Variants in MYO16 observed in about 807,000 individuals in gnomAD.
MYO16 encodes the protein myosin XVI, also known as unconventional myosin-XVI.
In MYO16, 94 loss-of-function variants were observed where a neutral mutation model predicts 205.3. The observed-to-expected ratio is 0.46, with a 90% CI of 0.39 to 0.54. MYO16 has a LOEUF of 0.54. Among genes scored for constraint, MYO16 ranks in the 20% least tolerant of loss-of-function variants. The pLI is 0.00. For synonymous variants in MYO16, 988 were observed against 954.0 expected, an observed-to-expected ratio of 1.04 and a Z score of -0.66; for missense variants, 2,315 against 2,387.5, an observed-to-expected ratio of 0.97 and a Z score of 0.63.
chr13:109,042,838 A>G (rs1886923997), intron 23 of MYO16, among the ~76,000 whole-genome samples: 1 of 152,252 alleles, frequency 6.6e-6, no homozygotes, highest in East Asian at 1.9e-4. Flanking sequence ...TTAACTTCAT[A>G]CAAATGTCCT....
chr13:108,683,675 G>T (rs997230477), intron 2 of MYO16, among the ~76,000 whole-genome samples: 1 of 152,142 alleles, frequency 6.6e-6, no homozygotes, highest in African/African-American at 2.4e-5. Flanking sequence ...TAAAGAAAAA[G>T]AATTACCTTC....
At chr13:109,014,163 C>T (rs1197235076) in intron 22 of MYO16, among the ~76,000 whole-genome samples, 2 of 152,296 alleles carry the variant, frequency 1.3e-5, no homozygotes, top group African/African-American at 4.8e-5. Context: ...AGGAAGGGAT[C>T]CAGTTTCAGC....
chr13:108,883,548 T>C (rs1036183913), intron 13 of MYO16, among the ~76,000 whole-genome samples: 2 of 152,122 alleles, frequency 1.3e-5, no homozygotes, highest in Non-Finnish European at 2.9e-5. Flanking sequence ...GCCCCAAATA[T>C]CATTTTATTT....
intron 27 of MYO16, among the ~76,000 whole-genome samples, chr13:109,071,927 T>A (rs988279105): frequency 6.6e-6 from 1 of 152,220 alleles, no homozygotes; most frequent in East Asian, 1.9e-4. Flanking sequence ...AATGCCATAA[T>A]CACCTTCCCA....
chr13:108,930,473 A>T (rs1290285082), intron 16 of MYO16, among the ~76,000 whole-genome samples: 4 of 152,238 alleles, frequency 2.6e-5, no homozygotes, highest in Non-Finnish European at 4.4e-5. Context: ...GATCAATCAT[A>T]GGAAATTTAA....
At chr13:108,955,190 A>C (rs1028377167) in intron 16 of MYO16, among the ~76,000 whole-genome samples, 1 of 152,078 alleles carries the variant, frequency 6.6e-6, no homozygotes, top group Non-Finnish European at 1.5e-5. Context: ...TCGTCCTAGA[A>C]AGTCAGGTCA....
intron 4 of MYO16, among the ~76,000 whole-genome samples, chr13:108,753,919 A>G (rs1051804628): frequency 6.6e-6 from 1 of 152,236 alleles, no homozygotes; most frequent in Non-Finnish European, 1.5e-5. Context: ...ACAGTTGACA[A>G]TGTGTGTGTG....
chr13:108,606,793 C>T (rs987283166), intron 1 of MYO16, among the ~76,000 whole-genome samples: 2 of 152,092 alleles, frequency 1.3e-5, no homozygotes, highest in African/African-American at 4.8e-5. Flanking sequence ...TTGCACTGTG[C>T]ACCTGAAAAA....
chr13:108,740,537 C>G (rs950614149), intron 4 of MYO16, among the ~76,000 whole-genome samples: 3 of 152,148 alleles, frequency 2.0e-5, no homozygotes, highest in Non-Finnish European at 4.4e-5. Flanking sequence ...AGATGTCAGT[C>G]TGCCCCTACT....
At chr13:108,971,701 T>A (rs981169317) in intron 20 of MYO16, among the ~76,000 whole-genome samples, 1 of 152,142 alleles carries the variant, frequency 6.6e-6, no homozygotes, top group Non-Finnish European at 1.5e-5. Context: ...GTATTTTAGT[T>A]GACCTAAACA....
At chr13:108,914,096 T>C (rs891673162) in intron 16 of MYO16, among the ~76,000 whole-genome samples, 1 of 150,662 alleles carries the variant, frequency 6.6e-6, no homozygotes, top group Non-Finnish European at 1.5e-5. Context: ...ATATCTACTA[T>C]TGTTAATAAT....
Position 108,820,421 on chromosome 13 carries a change from G to T in MYO16, c.943+9G>T. 1 of 1,598,980 alleles carries T rather than the reference G, an allele frequency of 6.3e-7. No homozygotes were observed. The stretch of plus-strand genomic sequence containing the variant: ...TGAGGAGAAGGCGTCAGGTAGGTTA[G>T]GAGCATCCTTGGACCATTGAGCAGG... On this transcript the variant is annotated intron_variant, in intron 8 of 34. Transcript: ENST00000457511.
At chr13:108,557,844 T>C in the MYO16 span, among the ~76,000 whole-genome samples, 1 of 152,206 alleles carries the variant, frequency 6.6e-6, no homozygotes, top group African/African-American at 2.4e-5. Flanking sequence ...GCATTACATA[T>C]GCATTTCCTT....
intron 28 of MYO16, among the ~76,000 whole-genome samples, chr13:109,107,619 T>C (rs1043364281): frequency 6.6e-5 from 10 of 151,992 alleles, no homozygotes; most frequent in African/African-American, 1.9e-4. Flanking sequence ...TTATAACCTT[T>C]GTTTTACTAC....
At chr13:108,533,780 C>T in the MYO16 span, among the ~76,000 whole-genome samples, 2 of 152,082 alleles carry the variant, frequency 1.3e-5, no homozygotes, top group African/African-American at 4.8e-5. Context: ...TATAAATAAA[C>T]TATTATTAAA....
intron 1 of MYO16, among the ~76,000 whole-genome samples, chr13:108,615,229 T>C: frequency 6.6e-6 from 1 of 151,848 alleles, no homozygotes; most frequent in East Asian, 1.9e-4. Flanking sequence ...ATTAAGAAAA[T>C]GCAAATCAAA....
intron 16 of MYO16, among the ~76,000 whole-genome samples, chr13:108,924,494 C>A (rs577343214): frequency 3.9e-5 from 6 of 152,312 alleles, no homozygotes; most frequent in African/African-American, 1.4e-4. Flanking sequence ...GATGCTTGAA[C>A]TTCAATAGGA....
At chr13:108,933,194 A>G (rs965985489) in intron 16 of MYO16, among the ~76,000 whole-genome samples, 1 of 152,152 alleles carries the variant, frequency 6.6e-6, no homozygotes, top group Non-Finnish European at 1.5e-5. Flanking sequence ...CATGGAGTGC[A>G]TTGCTATTGG....
At chr13:108,893,988 T>A (rs986623412) in intron 14 of MYO16, among the ~76,000 whole-genome samples, 3 of 152,010 alleles carry the variant, frequency 2.0e-5, no homozygotes. Context: ...ATTTATTTTT[T>A]AAAAAAAGGA....
Sources: allele counts gnomAD v4.1 joint callset (sites outside exome capture counted in the v4.1 genomes callset), GRCh38; gene constraint gnomAD v4.1.1; transcripts MANE v1.5; gene names NCBI Gene and HGNC (gene_info 2026-07-23, HGNC 2026-07-21).